The following IFT57 variants were observed in gnomAD, a reference collection of about 807,000 sequenced individuals.
The protein encoded by IFT57 is intraflagellar transport 57.
In IFT57, 59 loss-of-function variants were observed where a neutral mutation model predicts 56.8. That is an observed-to-expected ratio of 1.04 (90% confidence interval 0.84 to 1.29). The LOEUF (loss-of-function observed/expected upper bound fraction) is 1.29. Among genes scored for constraint, IFT57 ranks in the 50% most tolerant of loss-of-function variants. The pLI is 0.00. For synonymous variants in IFT57, 209 were observed against 186.1 expected (o/e 1.12, Z -1.00); for missense variants, 470 against 522.1 (o/e 0.90, Z 0.97).
At chr3:108,207,557 A>G (rs2080320284) in intron 4 of IFT57, among the ~76,000 whole-genome samples, 1 of 152,230 alleles carries the variant, frequency 6.6e-6, no homozygotes, top group Non-Finnish European at 1.5e-5. Context: ...AGAGAATGTC[A>G]GTTGGTGAAC....
chr3:108,186,893 T>C (rs1167684477), intron 6 of IFT57, among the ~76,000 whole-genome samples: 1 of 152,204 alleles, frequency 6.6e-6, no homozygotes, highest in African/African-American at 2.4e-5. Flanking sequence ...CTCCTTATGA[T>C]TCTTTTAACA....
chr3:108,175,188 C>T (rs2080117504), intron 6 of IFT57, among the ~76,000 whole-genome samples: 1 of 151,742 alleles, frequency 6.6e-6, no homozygotes, highest in Non-Finnish European at 1.5e-5. Flanking sequence ...TTCTAAAGTG[C>T]TCTAACGTGT....
At chr3:108,183,571 C>T (rs2080163431) in intron 6 of IFT57, among the ~76,000 whole-genome samples, 1 of 152,142 alleles carries the variant, frequency 6.6e-6, no homozygotes, top group South Asian at 2.1e-4. Context: ...CATATCTGAA[C>T]ATATAGTAAA....
At chr3:108,208,047 G>GAAAAAAAAAAAAAAAAAA (rs869115655) in intron 4 of IFT57, among the ~76,000 whole-genome samples, 1 of 92,364 alleles carries the variant, frequency 1.1e-5, no homozygotes, top group Non-Finnish European at 2.4e-5. Context: ...CGTCTCAAAA[G>GAAAAAAAAAAAAAAAAAA]AAAAAAAAAA....
chr3:108,181,493 C>A (rs912528274), intron 6 of IFT57, among the ~76,000 whole-genome samples: 1 of 152,048 alleles, frequency 6.6e-6, no homozygotes. Flanking sequence ...CTGTAAAAGT[C>A]CATCAGTGAA....
At chr3:108,190,824 GCT>G in intron 6 of IFT57, among the ~76,000 whole-genome samples, 1 of 151,960 alleles carries the variant, frequency 6.6e-6, no homozygotes, top group Non-Finnish European at 1.5e-5. Context: ...ATGGAATCTC[GCT>G]CTGTCATCCA....
In IFT57 at chr3:108,217,236, A is replaced by T. The variant is rs1576052133; in HGVS notation, c.494+1299T>A. ...AATTTGCAGTTATGTGCCAATTAAAACTAAAAAATAAATTATCCAACTTAC... is the reference window on the plus strand; with the variant it reads ...AATTTGCAGTTATGTGCCAATTAAATCTAAAAAATAAATTATCCAACTTAC... On this transcript the variant is annotated intron_variant, in intron 3 of 10. Coordinates refer to ENST00000264538, the MANE Select transcript of IFT57 (RefSeq NM_018010.4). 2.6e-5 allele frequency among the ~76,000 whole-genome samples: 4 copies of T among 152,266 alleles called. No individual in the cohort carries two copies. In the South Asian group the frequency reaches 8.3e-4, roughly 32 times the overall value.
chr3:108,219,110 T>C (rs1204472475), intron 2 of IFT57, among the ~76,000 whole-genome samples: 1 of 65,776 alleles, frequency 1.5e-5, no homozygotes, highest in Non-Finnish European at 4.4e-5. Context: ...GTTTTGGCTT[T>C]GTAGGATTTT....
chr3:108,163,128 A>G (rs2080042658), intron 10 of IFT57, among the ~76,000 whole-genome samples: 1 of 152,156 alleles, frequency 6.6e-6, no homozygotes. Flanking sequence ...TCTAGGGCAT[A>G]GAAAAGCCTT....
intron 6 of IFT57, among the ~76,000 whole-genome samples, chr3:108,176,836 T>C (rs947669676): frequency 2.0e-5 from 3 of 151,830 alleles, no homozygotes; most frequent in African/African-American, 7.2e-5. Context: ...TCTTTTTAAA[T>C]CTAATAATGA....
Position 108,163,656 on chromosome 3 carries a change from T to G in IFT57, c.1111+7A>C. On this transcript the variant is annotated splice_region_variant and intron_variant, in intron 10 of 10. Coordinates refer to ENST00000264538, the MANE Select transcript of IFT57 (RefSeq NM_018010.4). ...CAGTTTTTCCCCTAAAATGAGCATG[T>G]ACTTACCACCATCAGTCATGCTGCT... 6.2e-7 allele frequency: 1 copy of G among 1,603,328 alleles called. No individual in the cohort carries two copies. The highest frequency in any genetic ancestry group is 8.5e-7 in the Non-Finnish European group (1 of 1,170,958).
intron 5 of IFT57, among the ~76,000 whole-genome samples, chr3:108,203,301 C>T (rs892134438): frequency 2.0e-5 from 3 of 152,216 alleles, no homozygotes; most frequent in Non-Finnish European, 2.9e-5. Flanking sequence ...TTCTAATAAA[C>T]ATCTTGCACT....
intron 5 of IFT57, among the ~76,000 whole-genome samples, chr3:108,196,336 C>T (rs2080244301): frequency 6.6e-6 from 1 of 152,006 alleles, no homozygotes; most frequent in Non-Finnish European, 1.5e-5. Flanking sequence ...CAAGGGCGCA[C>T]ACCCGTCCAT....
At chr3:108,176,539 G>C (rs1469175017) in intron 6 of IFT57, among the ~76,000 whole-genome samples, 1 of 151,822 alleles carries the variant, frequency 6.6e-6, no homozygotes, top group Non-Finnish European at 1.5e-5. Flanking sequence ...TACATTAAAT[G>C]AATGTTTATT....
At chr3:108,167,765 A>G in intron 7 of IFT57, 28 bp downstream of exon 7, 2 of 1,429,048 alleles carry the variant, frequency 1.4e-6, no homozygotes, top group Non-Finnish European at 1.9e-6. Context: ...GTAAATGTAC[A>G]TTGATTCACG....
At chr3:108,221,789 ATT>A (rs10609787) in intron 1 of IFT57, among the ~76,000 whole-genome samples, 118,268 of 151,946 alleles carry the variant, frequency 0.78, 47,043 homozygotes, top group Non-Finnish European at 0.86. Context: ...TTCAATGAGT[ATT>A]TGTTTCATCT....
intron 10 of IFT57, among the ~76,000 whole-genome samples, chr3:108,162,942 T>C (rs1312317777): frequency 6.6e-6 from 1 of 151,944 alleles, no homozygotes; most frequent in African/African-American, 2.4e-5. Flanking sequence ...GATGATTTTA[T>C]GAGCTAGTAT....
rs924316082 is a variant in IFT57, at chr3:108,215,134, T to C, written c.495-1113A>G. Among the ~76,000 whole-genome samples, 4 of 152,348 alleles carry C rather than the reference T, an allele frequency of 2.6e-5. No homozygotes were observed. The South Asian group carries it at 8.3e-4, about 32-fold the overall frequency. ...TCCTAACATTAAACTTTGAAAAAAA[T>C]CATTTATTCATCAAGATTAATGACA... On this transcript the variant is annotated intron_variant, in intron 3 of 10. Coordinates refer to ENST00000264538, the MANE Select transcript of IFT57 (RefSeq NM_018010.4).
chr3:108,194,249 C>T (rs571672870), intron 5 of IFT57, among the ~76,000 whole-genome samples: 20 of 151,828 alleles, frequency 1.3e-4, no homozygotes, highest in Non-Finnish European at 2.5e-4. Flanking sequence ...ATTCCATTCA[C>T]GACAGCTAAA....
Sources: gnomAD v4.1 joint callset for allele counts (sites outside exome capture counted in the v4.1 genomes callset) on GRCh38, gnomAD v4.1.1 for gene constraint, MANE v1.5 for transcripts, NCBI Gene and HGNC (gene_info 2026-07-23, HGNC 2026-07-21) for gene names.